Variants in KAZN observed in about 807,000 individuals in gnomAD.
KAZN encodes the protein kazrin.
Under a neutral mutation model 87.4 loss-of-function variants are expected in KAZN, and 40 were observed. The ratio of observed to expected loss-of-function variants is 0.46; its 90% CI spans 0.36 to 0.60. KAZN has a LOEUF of 0.60. Ranked by LOEUF, KAZN falls within the 20% of genes least tolerant of loss-of-function variation. The probability of loss-of-function intolerance (pLI) is 0.00; values close to 1 mark genes in which losing one functional copy is unlikely to be tolerated. For missense variants in KAZN, 898 were observed against 1,073.9 expected (o/e 0.84, Z 2.29); for synonymous variants, 466 against 458.3 (o/e 1.02, Z -0.22).
intron 6 of KAZN, chr1:15,062,036 T>C (rs1638839871): frequency 6.6e-6 from 1 of 152,184 alleles, no homozygotes. Context: ...CTCATCCCAG[T>C]TGAGAATACC....
chr1:14,342,562 A>G (rs934193428), intron 2 of KAZN, among the ~76,000 whole-genome samples: 1 of 152,250 alleles, frequency 6.6e-6, no homozygotes, highest in Non-Finnish European at 1.5e-5. Context: ...TAGGCCTTCA[A>G]TAAATGAATG....
chr1:14,898,789 C>T (rs1655541858), intron 1 of KAZN, among the ~76,000 whole-genome samples: 1 of 152,146 alleles, frequency 6.6e-6, no homozygotes, highest in Admixed American at 6.5e-5. Flanking sequence ...ATCGCCCCAG[C>T]ACCTAGCTCA....
chr1:14,666,270 G>A (rs868301078), intron 1 of KAZN, among the ~76,000 whole-genome samples: 2 of 152,014 alleles, frequency 1.3e-5, no homozygotes, highest in African/African-American at 2.4e-5. Flanking sequence ...TGGGTGAGTC[G>A]GTATCAGCAG....
At chr1:14,417,204 C>T (rs1344072870) in intron 2 of KAZN, among the ~76,000 whole-genome samples, 1 of 150,454 alleles carries the variant, frequency 6.6e-6, no homozygotes, top group African/African-American at 2.4e-5. Flanking sequence ...AAGGAAAAAA[C>T]AAAGAAAAAC....
chr1:14,593,025 A>C (rs1251026980), intron 2 of KAZN, among the ~76,000 whole-genome samples: 1 of 152,212 alleles, frequency 6.6e-6, no homozygotes, highest in Non-Finnish European at 1.5e-5. Context: ...TGAGCACTGA[A>C]GGGATAAGAG....
At chr1:14,506,082 T>C (rs1189515314) in intron 2 of KAZN, among the ~76,000 whole-genome samples, 3 of 152,206 alleles carry the variant, frequency 2.0e-5, no homozygotes, top group Non-Finnish European at 2.9e-5. Context: ...GCAAATCTTA[T>C]GTATATTTTA....
At chr1:13,896,885 T>TG (rs1167757808) in intron 1 of KAZN, among the ~76,000 whole-genome samples, 2 of 152,104 alleles carry the variant, frequency 1.3e-5, no homozygotes, top group Admixed American at 6.5e-5. Context: ...TAGGATTTAG[T>TG]GGGGCAGCAG....
At chr1:14,941,194 C>T (rs1462530607) in intron 1 of KAZN, among the ~76,000 whole-genome samples, 2 of 152,152 alleles carry the variant, frequency 1.3e-5, no homozygotes, top group Non-Finnish European at 2.9e-5. Context: ...TCTGGGATTA[C>T]AGGCGTGAGC....
chr1:14,345,565 A>G (rs1658048114), intron 2 of KAZN, among the ~76,000 whole-genome samples: 3 of 152,216 alleles, frequency 2.0e-5, no homozygotes, highest in Admixed American at 6.5e-5. Context: ...TGTCTTTAAA[A>G]TTGGATGTGT....
chr1:14,198,941 A>G (rs1302256203), intron 2 of KAZN, among the ~76,000 whole-genome samples: 1 of 152,176 alleles, frequency 6.6e-6, no homozygotes, highest in Non-Finnish European at 1.5e-5. Flanking sequence ...TTCAGAGCCC[A>G]GGCTTTAATC....
At chr1:15,001,870 C>CTTTTTT (rs34948148) in intron 2 of KAZN, among the ~76,000 whole-genome samples, 6 of 57,754 alleles carry the variant, frequency 1.0e-4, no homozygotes, top group African/African-American at 2.7e-4. Context: ...AAGTCAAAAT[C>CTTTTTT]TTTTTTTTTT....
intron 2 of KAZN, among the ~76,000 whole-genome samples, chr1:14,374,882 A>G (rs1660775382): frequency 6.6e-6 from 1 of 152,198 alleles, no homozygotes; most frequent in South Asian, 2.1e-4. Context: ...GAGGTCAGTA[A>G]ATTTAACAAT....
intron 2 of KAZN, among the ~76,000 whole-genome samples, chr1:14,197,548 C>T (rs1029637261): frequency 2.6e-5 from 4 of 151,852 alleles, no homozygotes; most frequent in Admixed American, 2.6e-4. Context: ...ATTAGCCAGG[C>T]GTGGTGGCAC....
intron 2 of KAZN, among the ~76,000 whole-genome samples, chr1:14,328,219 C>G (rs1252703224): frequency 6.6e-6 from 1 of 152,168 alleles, no homozygotes; most frequent in African/African-American, 2.4e-5. Context: ...CTACCAATCT[C>G]AGTTTCTTTA....
intron 2 of KAZN, among the ~76,000 whole-genome samples, chr1:14,570,401 A>G (rs548146727): frequency 2.6e-4 from 39 of 152,198 alleles, no homozygotes; most frequent in African/African-American, 9.4e-4. Context: ...CCTCCTCCCA[A>G]TTCCTATCCC....
At chr1:14,519,163 TAATAAA>T (rs1671450439) in intron 2 of KAZN, among the ~76,000 whole-genome samples, 1 of 151,988 alleles carries the variant, frequency 6.6e-6, no homozygotes, top group Non-Finnish European at 1.5e-5. Flanking sequence ...AAAATTTAAA[TAATAAA>T]AACAAAAAGT....
chr1:14,990,464 T>TCC (rs1467642115), intron 2 of KAZN, among the ~76,000 whole-genome samples: 2 of 152,194 alleles, frequency 1.3e-5, no homozygotes, highest in Non-Finnish European at 2.9e-5. Flanking sequence ...GCTCAAGCAA[T>TCC]CCACCCGCCT....
chr1:15,063,711 T>G, intron 7 of KAZN, 89 bp downstream of exon 7: 1 of 1,070,624 alleles, frequency 9.3e-7, no homozygotes, highest in South Asian at 1.3e-5. Context: ...CCCACATCCA[T>G]GCCGCACACC....
intron 1 of KAZN, among the ~76,000 whole-genome samples, chr1:14,175,401 C>T (rs1343944279): frequency 6.6e-6 from 1 of 152,236 alleles, no homozygotes; most frequent in Admixed American, 6.5e-5. Flanking sequence ...CCGCGCCGGG[C>T]CCACGGATGG....
Sources: gnomAD v4.1 joint callset for allele counts (sites outside exome capture counted in the v4.1 genomes callset) on GRCh38, gnomAD v4.1.1 for gene constraint, MANE v1.5 for transcripts, NCBI Gene and HGNC (gene_info 2026-07-23, HGNC 2026-07-21) for gene names.